The following LCLAT1 variants were observed in gnomAD, a reference collection of about 807,000 sequenced individuals.
LCLAT1 encodes 1-AGP acyltransferase 8.
A neutral mutation model predicts 30.7 loss-of-function variants in LCLAT1; 11 were observed. The observed-to-expected ratio is 0.36, with a 90% CI of 0.23 to 0.59. LCLAT1 has a LOEUF of 0.59. Ranked by LOEUF, LCLAT1 falls within the 20% of genes least tolerant of loss-of-function variation. The pLI, the probability that LCLAT1 is intolerant of heterozygous loss-of-function variation, is 0.77. For synonymous variants in LCLAT1, 155 were observed against 151.3 expected (o/e 1.02, Z -0.18); for missense variants, 402 against 458.6 (o/e 0.88, Z 1.13).
Position 30,605,108 on chromosome 2 carries a change from G to C in LCLAT1, c.629-35009G>C, listed in dbSNP as rs982673315. On this transcript the variant is annotated intron_variant, in intron 5 of 5. Coordinates refer to ENST00000379509, the MANE Select transcript of LCLAT1 (RefSeq NM_001002257.3). Reference sequence around the variant, plus strand: ...TACAGTAACTTCCCACCAGTTTTAGGACAGTGCTTTAGAAAAAAGACCAAA... The same window carrying C: ...TACAGTAACTTCCCACCAGTTTTAGCACAGTGCTTTAGAAAAAAGACCAAA... Among the ~76,000 whole-genome samples the C allele has an allele frequency of 1.8e-4, 27 of 152,334 alleles. 1 individual carries two copies. Among genetic ancestry groups the C allele is most frequent in the Non-Finnish European group, 2.9e-5 (2 of 68,032 alleles).
chr2:30,530,257 A>C (rs1347595265), intron 2 of LCLAT1, among the ~76,000 whole-genome samples: 2 of 152,222 alleles, frequency 1.3e-5, no homozygotes, highest in East Asian at 1.9e-4. Context: ...GAAATGTGAG[A>C]ATAGTGTCTT....
rs1057347920 is a variant in LCLAT1 at position 30,641,286 on chromosome 2, A to G, written c.*667A>G. 9.2e-5 allele frequency: 14 copies of G among 152,236 alleles called. No individual in the cohort carries two copies. The highest frequency in any genetic ancestry group is 5.2e-4 in the Admixed American group (8 of 15,282). The allele number at this position is 152,236 out of a possible 1,614,324, so 9.4% of individuals were successfully genotyped here. A position where few individuals can be genotyped will look rare whatever the true frequency, so the allele number is the denominator to read the frequency against. On this transcript the variant is annotated 3_prime_UTR_variant, in exon 6 of 6. Transcript: ENST00000379509. ...CTCAGGGAGCAACCACAGGCTCTCCACTTTGAAACTTTAGTTTGAATTTTA... is the reference window on the plus strand; with the variant it reads ...CTCAGGGAGCAACCACAGGCTCTCCGCTTTGAAACTTTAGTTTGAATTTTA...
intron 5 of LCLAT1, chr2:30,607,861 G>C (rs1667529914): frequency 5.8e-5 from 4 of 69,152 alleles, no homozygotes; most frequent in Admixed American, 4.8e-4. Context: ...GTGTGTGTGT[G>C]TGTGTGTGTG....
intron 3 of LCLAT1, among the ~76,000 whole-genome samples, chr2:30,539,553 G>A (rs13418373): frequency 6.6e-6 from 1 of 151,972 alleles, no homozygotes; most frequent in Admixed American, 6.6e-5. Context: ...ACTTATTTAA[G>A]AACATGTGTT....
intron 5 of LCLAT1, among the ~76,000 whole-genome samples, chr2:30,610,118 C>G (rs957331780): frequency 6.6e-6 from 1 of 152,034 alleles, no homozygotes; most frequent in South Asian, 2.1e-4. Flanking sequence ...TAGACTTTGT[C>G]ACATATTACT....
chr2:30,513,527 A>G (rs897946782), intron 1 of LCLAT1, among the ~76,000 whole-genome samples: 4 of 152,146 alleles, frequency 2.6e-5, no homozygotes, highest in Non-Finnish European at 5.9e-5. Flanking sequence ...AATATGCTTA[A>G]TTCATTATAT....
intron 1 of LCLAT1, among the ~76,000 whole-genome samples, chr2:30,457,330 T>C (rs1055120922): frequency 6.6e-6 from 1 of 152,330 alleles, no homozygotes; most frequent in East Asian, 1.9e-4. Context: ...GGAAAATTTG[T>C]GAAAGTCTGA....
At chr2:30,577,920 C>A (rs967525556) in intron 5 of LCLAT1, among the ~76,000 whole-genome samples, 1 of 152,066 alleles carries the variant, frequency 6.6e-6, no homozygotes, top group Non-Finnish European at 1.5e-5. Context: ...AAACATCTGT[C>A]TGTGATTCCT....
rs147230685 is a variant in LCLAT1, at chr2:30,497,002, T to C, written c.-4-28585T>C. Reference sequence around the variant, plus strand: ...CCTTTATTACAATGTCAGTATTTACTTATTTCAGAATTAGATTCCCCTGCT... The same window carrying C: ...CCTTTATTACAATGTCAGTATTTACCTATTTCAGAATTAGATTCCCCTGCT... On this transcript the variant is annotated intron_variant, in intron 1 of 5. Coordinates refer to ENST00000379509, the MANE Select transcript of LCLAT1 (RefSeq NM_001002257.3). Among the ~76,000 whole-genome samples the C allele has an allele frequency of 2.6e-5, 4 of 152,360 alleles. No individual in the cohort carries two copies. The East Asian group carries it at 7.7e-4, about 29-fold the overall frequency.
chr2:30,518,773 ACT>A (rs1558491644), intron 1 of LCLAT1, among the ~76,000 whole-genome samples: 7 of 151,970 alleles, frequency 4.6e-5, no homozygotes. Context: ...GTACATCCTG[ACT>A]CTCAATTCTT....
At chr2:30,453,920 C>T (rs947056137) in intron 1 of LCLAT1, among the ~76,000 whole-genome samples, 2 of 152,194 alleles carry the variant, frequency 1.3e-5, no homozygotes. Flanking sequence ...TTATTATCCT[C>T]ATTTTACTTA....
At chr2:30,540,097 A>G (rs1006907205) in intron 3 of LCLAT1, among the ~76,000 whole-genome samples, 3 of 152,218 alleles carry the variant, frequency 2.0e-5, no homozygotes, top group Admixed American at 6.5e-5. Flanking sequence ...TTTTTGTCTC[A>G]TCCTGGCTCT....
intron 1 of LCLAT1, among the ~76,000 whole-genome samples, chr2:30,483,921 G>T (rs913514281): frequency 6.6e-6 from 1 of 152,056 alleles, no homozygotes; most frequent in African/African-American, 2.4e-5. Flanking sequence ...GTGATTTGGG[G>T]CATTTTTTTT....
At chr2:30,577,954 T>G (rs912317296) in intron 5 of LCLAT1, among the ~76,000 whole-genome samples, 1 of 152,136 alleles carries the variant, frequency 6.6e-6, no homozygotes, top group Admixed American at 6.6e-5. Flanking sequence ...ATATAACATT[T>G]TTAAATAATC....
At chr2:30,513,140 T>C (rs1040908398) in intron 1 of LCLAT1, among the ~76,000 whole-genome samples, 6 of 152,222 alleles carry the variant, frequency 3.9e-5, no homozygotes, top group African/African-American at 1.4e-4. Flanking sequence ...AATGGTACTT[T>C]AATTTATATT....
chr2:30,602,985 A>T (rs1030872885), intron 5 of LCLAT1, among the ~76,000 whole-genome samples: 2 of 152,194 alleles, frequency 1.3e-5, no homozygotes, highest in African/African-American at 4.8e-5. Flanking sequence ...TTAGAATCAT[A>T]ATTCCATGTC....
chr2:30,459,102 C>T (rs1257935240), intron 1 of LCLAT1, among the ~76,000 whole-genome samples: 3 of 152,176 alleles, frequency 2.0e-5, no homozygotes, highest in Non-Finnish European at 2.9e-5. Context: ...TGCTTTCCTT[C>T]TTTAGGAAGG....
chr2:30,455,119 A>G (rs1681764270), intron 1 of LCLAT1, among the ~76,000 whole-genome samples: 1 of 152,202 alleles, frequency 6.6e-6, no homozygotes, highest in Non-Finnish European at 1.5e-5. Flanking sequence ...AATTGGATAT[A>G]ATTTCTAAAG....
chr2:30,634,365 C>T (rs1668919393), intron 5 of LCLAT1, among the ~76,000 whole-genome samples: 2 of 152,184 alleles, frequency 1.3e-5, no homozygotes, highest in African/African-American at 2.4e-5. Context: ...GCGGCTCACG[C>T]CTGTAATCCC....
Sources: gnomAD v4.1 joint callset for allele counts (sites outside exome capture counted in the v4.1 genomes callset) on GRCh38, gnomAD v4.1.1 for gene constraint, MANE v1.5 for transcripts, NCBI Gene and HGNC (gene_info 2026-07-23, HGNC 2026-07-21) for gene names.